CNTN3: variants seen among roughly 807,000 people sequenced by gnomAD.
CNTN3 encodes contactin 3, also known as contactin-3.
In CNTN3, 60 loss-of-function variants were observed where a neutral mutation model predicts 119.1. The observed-to-expected ratio is 0.50, with a 90% CI of 0.41 to 0.62. CNTN3 has a LOEUF of 0.62. CNTN3 is among the 20% of genes least tolerant of loss of function. CNTN3 has a pLI of 0.00. For missense variants in CNTN3, 1,101 were observed against 1,242.4 expected, an observed-to-expected ratio of 0.89 and a Z score of 1.71; for synonymous variants, 450 against 438.7, an observed-to-expected ratio of 1.03 and a Z score of -0.32.
chr3:74,509,176 T>G (rs1481002166), intron 2 of CNTN3, among the ~76,000 whole-genome samples: 1 of 152,178 alleles, frequency 6.6e-6, no homozygotes, highest in Admixed American at 6.6e-5. Context: ...CACATGCACA[T>G]TCTAAAATGT....
intron 20 of CNTN3, among the ~76,000 whole-genome samples, chr3:74,280,740 C>A (rs767421971): frequency 6.6e-6 from 1 of 152,164 alleles, no homozygotes; most frequent in Non-Finnish European, 1.5e-5. Flanking sequence ...ATGATCAAAC[C>A]AGGCCATAGC....
intron 19 of CNTN3, among the ~76,000 whole-genome samples, chr3:74,291,056 C>T (rs923006757): frequency 7.2e-5 from 11 of 151,996 alleles, no homozygotes; most frequent in South Asian, 6.2e-4. Context: ...CCCCTTCCCC[C>T]ACCTCATGAC....
intron 2 of CNTN3, among the ~76,000 whole-genome samples, chr3:74,508,460 G>C (rs1008814902): frequency 1.8e-4 from 28 of 152,086 alleles, no homozygotes; most frequent in African/African-American, 6.5e-4. Context: ...GTATGTCTTA[G>C]AGTTGCCTAG....
intron 1 of CNTN3, among the ~76,000 whole-genome samples, chr3:74,567,591 T>C (rs1028196359): frequency 1.3e-5 from 2 of 152,032 alleles, no homozygotes. Flanking sequence ...ATCTGATACC[T>C]ACAGATTTGC....
intron 4 of CNTN3, among the ~76,000 whole-genome samples, chr3:74,430,569 C>T (rs1378767815): frequency 6.6e-6 from 1 of 151,998 alleles, no homozygotes; most frequent in African/African-American, 2.4e-5. Flanking sequence ...AGTGAGACCC[C>T]ATCTCTTAAA....
intron 11 of CNTN3, among the ~76,000 whole-genome samples, chr3:74,337,249 G>A (rs1703417944): frequency 6.6e-6 from 1 of 152,038 alleles, no homozygotes; most frequent in Non-Finnish European, 1.5e-5. Context: ...TATACACTTA[G>A]AGTACTCAAA....
At position 74,286,066 on chromosome 3, in the gene CNTN3, A is replaced by G. The variant is rs565115384; in HGVS notation, c.2518-575T>C. ...ACAACTGAAAGAACAGACTATCTCT[A>G]TGCTAATTTGGATTTGATAGGCACA... On this transcript the variant is annotated intron_variant, in intron 19 of 22. Transcript: ENST00000263665. Among the ~76,000 whole-genome samples, 5 of 152,140 alleles carry G rather than the reference A, an allele frequency of 3.3e-5. No homozygotes were observed. In the South Asian group the frequency reaches 1.0e-3, roughly 32 times the overall value.
intron 4 of CNTN3, among the ~76,000 whole-genome samples, chr3:74,469,920 T>C (rs1278820491): frequency 6.6e-6 from 1 of 152,192 alleles, no homozygotes; most frequent in Non-Finnish European, 1.5e-5. Context: ...TACAGCAGCA[T>C]TATTTATAGC....
At chr3:74,386,374 A>G (rs1272683896) in intron 5 of CNTN3, among the ~76,000 whole-genome samples, 1 of 152,120 alleles carries the variant, frequency 6.6e-6, no homozygotes, top group Admixed American at 6.6e-5. Context: ...ATCCCAGCAC[A>G]CTGGGAAGTT....
chr3:74,396,678 G>A (rs1423216177), intron 5 of CNTN3, among the ~76,000 whole-genome samples: 6 of 150,516 alleles, frequency 4.0e-5, no homozygotes, highest in East Asian at 3.9e-4. Flanking sequence ...CCCGGGAGGC[G>A]GAGCTTGCAG....
chr3:74,550,393 A>G (rs2107159244), intron 1 of CNTN3, among the ~76,000 whole-genome samples: 1 of 152,314 alleles, frequency 6.6e-6, no homozygotes, highest in South Asian at 2.1e-4. Context: ...GAGTGGGCAC[A>G]AAATGTGAAG....
At position 74,586,413 on chromosome 3, in the gene CNTN3, G is replaced by A. The variant is rs145720099; in HGVS notation, c.-81+27978C>T. On this transcript the variant is annotated intron_variant, in intron 1 of 22. Coordinates refer to ENST00000263665, the MANE Select transcript of CNTN3 (RefSeq NM_020872.3). ...TTCCCCTCATTTGTAGAATTAATAC[G>A]CCTTCTCTGTCTTTTAACCTGCAAT... 6.8e-3 allele frequency among the ~76,000 whole-genome samples: 1,041 copies of A among 152,096 alleles called. 7 individuals carry two copies. The highest frequency in any genetic ancestry group is 0.024 in the African/African-American group (984 of 41,482).
chr3:74,496,531 T>A (rs1703066980), intron 3 of CNTN3, among the ~76,000 whole-genome samples: 1 of 152,040 alleles, frequency 6.6e-6, no homozygotes, highest in African/African-American at 2.4e-5. Flanking sequence ...GTACCTATTT[T>A]ACCCCAATCT....
chr3:74,424,176 T>C (rs895342483), intron 5 of CNTN3, among the ~76,000 whole-genome samples: 1 of 152,100 alleles, frequency 6.6e-6, no homozygotes, highest in Non-Finnish European at 1.5e-5. Context: ...GAGAGCACGA[T>C]AGGAAAATCA....
rs145320497 is a variant in CNTN3, at chr3:74,290,985, G to C, written c.2517+4136C>G. Among the ~76,000 whole-genome samples, 450 of 151,872 alleles carry C rather than the reference G, an allele frequency of 3.0e-3. 6 individuals carry two copies. Among genetic ancestry groups the C allele is most frequent in the African/African-American group, 0.011 (435 of 41,376 alleles). On this transcript the variant is annotated intron_variant, in intron 19 of 22. Coordinates refer to ENST00000263665, the MANE Select transcript of CNTN3 (RefSeq NM_020872.3). ...TACATATGTATACATGTGCCATGTT[G>C]GTGTGCTGCACCCATTAACTCATCA...
At chr3:74,407,917 T>C (rs6796870) in intron 5 of CNTN3, among the ~76,000 whole-genome samples, 102,563 of 152,022 alleles carry the variant, frequency 0.67, 35,210 homozygotes, top group East Asian at 0.83. Context: ...TCCTGTATGA[T>C]AGGAAACATA....
At chr3:74,357,045 T>A (rs1703951954) in intron 11 of CNTN3, among the ~76,000 whole-genome samples, 1 of 151,798 alleles carries the variant, frequency 6.6e-6, no homozygotes, top group South Asian at 2.1e-4. Context: ...TGCCTCAGCC[T>A]CCTGAGTAGC....
intron 4 of CNTN3, among the ~76,000 whole-genome samples, chr3:74,437,627 A>C (rs1701891159): frequency 6.6e-6 from 1 of 152,262 alleles, no homozygotes. Flanking sequence ...AATTACTACA[A>C]ACTGAAGAGT....
chr3:74,296,344 G>A (rs1008618502), intron 18 of CNTN3, among the ~76,000 whole-genome samples: 2 of 152,124 alleles, frequency 1.3e-5, no homozygotes, highest in African/African-American at 4.8e-5. Flanking sequence ...TGGATGCACA[G>A]GTAAACAGTG....
Sources: gnomAD v4.1 joint callset for allele counts (sites outside exome capture counted in the v4.1 genomes callset) on GRCh38, gnomAD v4.1.1 for gene constraint, MANE v1.5 for transcripts, NCBI Gene and HGNC (gene_info 2026-07-23, HGNC 2026-07-21) for gene names.